Variants in SP110 observed in about 807,000 individuals in gnomAD.
The protein encoded by SP110 is SP110 nuclear body protein.
A neutral mutation model predicts 92.7 loss-of-function variants in SP110; 62 were observed. That is an observed-to-expected ratio of 0.67 (90% CI 0.55 to 0.83). The LOEUF (loss-of-function observed/expected upper bound fraction) is 0.83. Ranked by LOEUF, SP110 falls within the 40% of genes least tolerant of loss-of-function variation. The probability of loss-of-function intolerance (pLI) is 0.00; values close to 1 mark genes in which losing one functional copy is unlikely to be tolerated. For synonymous variants in SP110, 273 were observed against 305.3 expected (o/e 0.89, Z 1.10); for missense variants, 793 against 863.9 (o/e 0.92, Z 1.03).
chr2:230,175,613 G>T (rs149758307), intron 14 of SP110, among the ~76,000 whole-genome samples: 11 of 152,322 alleles, frequency 7.2e-5, no homozygotes, highest in Middle Eastern at 3.4e-3. Context: ...AGGGCAAGAT[G>T]GGGGAGGCAC....
chr2:230,211,319 T>C lies in SP110; in HGVS notation c.751+151A>G. 1.4e-6 allele frequency: 1 copy of C among 695,212 alleles called. No homozygotes were observed. The highest frequency in any genetic ancestry group is 2.6e-6 in the Non-Finnish European group (1 of 380,410). The allele number at this position is 695,212 out of a possible 1,614,324, so 43.1% of individuals were successfully genotyped here. A position where few individuals can be genotyped will look rare whatever the true frequency, so the allele number is the denominator to read the frequency against. ...TTCAGAGGTCGGGTCTCCTGCCTGT[T>C]CAAGCTCCCAAGTGCTGGGTGAACT... is the stretch of plus-strand genomic sequence containing the variant. On this transcript the variant is annotated intron_variant, in intron 6 of 18. Coordinates refer to ENST00000258381, the MANE Select transcript of SP110 (RefSeq NM_080424.4). This position sits in a 1 kb window ranked among gnomAD's most constrained non-coding sequence, Gnocchi z 4.2.
intron 10 of SP110, among the ~76,000 whole-genome samples, chr2:230,187,041 T>G (rs1559148100): frequency 6.6e-6 from 1 of 152,214 alleles, no homozygotes; most frequent in African/African-American, 2.4e-5. Flanking sequence ...CTGGATGGAA[T>G]GGTAGATCTA....
At position 230,172,864 on chromosome 2, in the gene SP110, G is replaced by C; in HGVS notation, c.1686C>G (p.Ile562Met). ...CTCACCTCTTGGCTTCCACAGGGGG[G>C]ATGTGACAGTCCTCATGGAAGACTC... ...CPRVFHEDCH[I>M]PPVEAKRMLW... The change falls in exon 15 of 19, where the codon ATC becomes ATG. Residue 562 changes from isoleucine (I) to methionine (M), a missense_variant. Transcript: ENST00000258381. 1.2e-6 allele frequency: 2 copies of C among 1,613,426 alleles called. No homozygotes were observed. The highest frequency in any genetic ancestry group is 2.2e-5 in the South Asian group (2 of 91,080).
At chr2:230,204,673 G>A (rs753274931) in intron 8 of SP110, among the ~76,000 whole-genome samples, 5 of 151,742 alleles carry the variant, frequency 3.3e-5, no homozygotes, top group Non-Finnish European at 7.4e-5. Context: ...GCCTAGAAGA[G>A]ACACATTATG....
chr2:230,218,763 A>G (rs993111884), intron 1 of SP110, among the ~76,000 whole-genome samples: 7 of 152,234 alleles, frequency 4.6e-5, no homozygotes, highest in African/African-American at 1.7e-4. Flanking sequence ...TACATCTCAT[A>G]TATGACTGTT....
chr2:230,210,111 C>A, intron 6 of SP110, 103 bp from the exon 7 acceptor site: 1 of 795,838 alleles, frequency 1.3e-6, no homozygotes, highest in Admixed American at 1.7e-5. Context: ...TACATGCAGC[C>A]CAGGGCCGGG....
At chr2:230,176,474 G>A (rs1326716487) in intron 14 of SP110, 5 of 1,462,568 alleles carry the variant, frequency 3.4e-6, no homozygotes, top group Non-Finnish European at 3.6e-6. Flanking sequence ...TGGACATGAT[G>A]AGCTTTTTCA....
intron 3 of SP110, 151 bp from the exon 4 acceptor site, chr2:230,213,178 A>T (rs1208787751): frequency 7.7e-6 from 6 of 777,876 alleles, no homozygotes; most frequent in Middle Eastern, 3.4e-4. Flanking sequence ...TGTCATCATT[A>T]TCCATTTGTG....
At chr2:230,195,509 T>C (rs2042831243) in intron 10 of SP110, among the ~76,000 whole-genome samples, 1 of 152,118 alleles carries the variant, frequency 6.6e-6, no homozygotes, top group South Asian at 2.1e-4. Flanking sequence ...TTTGCATTTT[T>C]AGTAGAGACG....
intron 12 of SP110, among the ~76,000 whole-genome samples, chr2:230,178,981 C>G (rs1181172429): frequency 6.6e-6 from 1 of 152,066 alleles, no homozygotes; most frequent in Non-Finnish European, 1.5e-5. Context: ...GGCTGTTTCT[C>G]TGGGGAGAAA....
chr2:230,171,911 G>A (rs2078452601), intron 16 of SP110, 144 bp from the exon 17 acceptor site: 2 of 852,814 alleles, frequency 2.3e-6, no homozygotes, highest in East Asian at 2.5e-5. Context: ...GGGTGTGTGG[G>A]ATTTTGTTTA....
At chr2:230,198,673 C>A (rs2042988176) in intron 10 of SP110, among the ~76,000 whole-genome samples, 1 of 152,188 alleles carries the variant, frequency 6.6e-6, no homozygotes, top group Admixed American at 6.5e-5. Flanking sequence ...TGGCTCACTG[C>A]AACCTCTGCC....
intron 10 of SP110, among the ~76,000 whole-genome samples, chr2:230,197,778 C>T (rs756802782): frequency 1.6e-4 from 24 of 151,990 alleles, no homozygotes; most frequent in Non-Finnish European, 2.9e-4. Context: ...CCAGTTTTCC[C>T]AGCACCATTT....
At chr2:230,189,901 C>T (rs193208225) in intron 10 of SP110, among the ~76,000 whole-genome samples, 1 of 152,290 alleles carries the variant, frequency 6.6e-6, no homozygotes, top group Admixed American at 6.5e-5. Context: ...GCATAGTGTT[C>T]CATGATGTAT....
At chr2:230,175,590 C>G (rs1337366276) in intron 14 of SP110, among the ~76,000 whole-genome samples, 1 of 152,194 alleles carries the variant, frequency 6.6e-6, no homozygotes, top group African/African-American at 2.4e-5. Context: ...CCAGCCTGGT[C>G]AGGCCAGCCT....
In SP110 at chr2:230,168,874, T is replaced by G; in HGVS notation, c.*250A>C. 1 of 402,578 alleles carries G rather than the reference T, an allele frequency of 2.5e-6. No individual in the cohort carries two copies. The highest frequency in any genetic ancestry group is 4.8e-5 in the East Asian group (1 of 20,914). The allele number at this position is 402,578 out of a possible 1,614,324, so 24.9% of individuals were successfully genotyped here. ...AAGACTTATGAGACAGTGGGGAGAATGTGAACTATGATGGGGTATCTGATG... is the reference window on the plus strand; with the variant it reads ...AAGACTTATGAGACAGTGGGGAGAAGGTGAACTATGATGGGGTATCTGATG... On this transcript the variant is annotated 3_prime_UTR_variant, in exon 19 of 19. Coordinates refer to ENST00000258381, the MANE Select transcript of SP110 (RefSeq NM_080424.4).
intron 17 of SP110, chr2:230,171,343 T>C: frequency 2.9e-6 from 1 of 343,662 alleles, no homozygotes; most frequent in South Asian, 2.6e-5. Context: ...CTGCCCGCCT[T>C]GGCCTCCCAA....
At chr2:230,225,548 T>C in exon 1 of SP110, 7 of 468,522 alleles carry the variant, frequency 1.5e-5, no homozygotes, top group South Asian at 1.4e-4. Flanking sequence ...AAAACAACTT[T>C]GATCTGCTTG....
upstream of SP110, among the ~76,000 whole-genome samples, chr2:230,223,108 C>T (rs978493878): frequency 2.2e-4 from 34 of 151,144 alleles, no homozygotes; most frequent in Non-Finnish European, 4.4e-4. Flanking sequence ...GCAATCTTGG[C>T]TCACTGCAAC....
Sources: allele counts gnomAD v4.1 joint callset (sites outside exome capture counted in the v4.1 genomes callset), GRCh38; gene constraint gnomAD v4.1.1; non-coding constraint Gnocchi (gnomAD v3.1); transcripts MANE v1.5; gene names NCBI Gene and HGNC (gene_info 2026-07-23, HGNC 2026-07-21).